The following WWOX variants were observed in gnomAD, a reference collection of about 807,000 sequenced individuals.
WWOX encodes the protein WW domain containing oxidoreductase.
WWOX carries 69 observed loss-of-function variants against 46.2 expected under a neutral mutation model. The observed-to-expected ratio is 1.49, with a 90% CI of 1.23 to 1.82. The LOEUF is 1.82. WWOX is among the 40% of genes most tolerant of loss of function. The probability of loss-of-function intolerance (pLI) is 0.00; values close to 1 mark genes in which losing one functional copy is unlikely to be tolerated. For synonymous variants in WWOX, 359 were observed against 202.6 expected (o/e 1.77, Z -6.56); for missense variants, 919 against 542.6 (o/e 1.69, Z -6.89).
chr16:78,420,483 G>T (rs974945320), intron 6 of WWOX, among the ~76,000 whole-genome samples: 7 of 152,006 alleles, frequency 4.6e-5, no homozygotes, highest in African/African-American at 1.7e-4. Flanking sequence ...GATGAACCCT[G>T]CAAACATCAT....
chr16:78,717,430 T>C (rs1406632442), intron 8 of WWOX, among the ~76,000 whole-genome samples: 1 of 152,212 alleles, frequency 6.6e-6, no homozygotes, highest in African/African-American at 2.4e-5. Context: ...TCTTGTTCAT[T>C]GCTATGGCTT....
At chr16:78,659,448 C>G (rs2047161427) in intron 8 of WWOX, among the ~76,000 whole-genome samples, 1 of 152,130 alleles carries the variant, frequency 6.6e-6, no homozygotes, top group South Asian at 2.1e-4. Context: ...GAACCAGAAA[C>G]TCTGGGAGTA....
intron 5 of WWOX, among the ~76,000 whole-genome samples, chr16:78,325,755 C>T (rs1325850531): frequency 6.6e-6 from 1 of 152,158 alleles, no homozygotes; most frequent in African/African-American, 2.4e-5. Flanking sequence ...ATATATTAGC[C>T]TTGCAGGCAA....
intron 8 of WWOX, among the ~76,000 whole-genome samples, chr16:79,048,494 T>G (rs1192886809): frequency 6.6e-6 from 1 of 152,104 alleles, no homozygotes; most frequent in Non-Finnish European, 1.5e-5. Flanking sequence ...GTCTTGGTGC[T>G]TCGTTTCTGT....
chr16:78,843,750 G>T (rs1037677736), intron 8 of WWOX, among the ~76,000 whole-genome samples: 2 of 152,182 alleles, frequency 1.3e-5, no homozygotes, highest in African/African-American at 2.4e-5. Flanking sequence ...CATAACTGTT[G>T]CATCAAATAT....
chr16:79,033,377 A>G (rs1007128889), intron 8 of WWOX, among the ~76,000 whole-genome samples: 37 of 149,942 alleles, frequency 2.5e-4, no homozygotes, highest in African/African-American at 8.5e-4. Context: ...AATAGACTCT[A>G]TAATATAGAC....
At chr16:78,662,447 G>T (rs2047236982) in intron 8 of WWOX, among the ~76,000 whole-genome samples, 1 of 151,918 alleles carries the variant, frequency 6.6e-6, no homozygotes, top group East Asian at 1.9e-4. Context: ...AACAGTATTG[G>T]AAATTATTAC....
At chr16:78,112,698 T>C (rs1300469272) in intron 3 of WWOX, among the ~76,000 whole-genome samples, 1 of 151,546 alleles carries the variant, frequency 6.6e-6, no homozygotes, top group East Asian at 1.9e-4. Flanking sequence ...TTCCAAGTTT[T>C]CTTTCTTTTT....
chr16:78,160,690 G>A (rs1403637268), intron 4 of WWOX, among the ~76,000 whole-genome samples: 1 of 152,098 alleles, frequency 6.6e-6, no homozygotes, highest in Non-Finnish European at 1.5e-5. Flanking sequence ...GAAATTCATT[G>A]AGACTTGCTT....
chr16:78,638,938 A>G (rs1416539249), intron 8 of WWOX, among the ~76,000 whole-genome samples: 4 of 152,160 alleles, frequency 2.6e-5, no homozygotes, highest in Non-Finnish European at 5.9e-5. Flanking sequence ...GTGTAAAACA[A>G]GAGAATGATT....
intron 5 of WWOX, among the ~76,000 whole-genome samples, chr16:78,199,527 G>C (rs761300349): frequency 6.6e-6 from 1 of 152,104 alleles, no homozygotes; most frequent in Admixed American, 6.5e-5. Flanking sequence ...TACTACCCAG[G>C]AAAGCCAGTG....
chr16:78,627,754 T>C (rs898485559), intron 8 of WWOX, among the ~76,000 whole-genome samples: 7 of 152,164 alleles, frequency 4.6e-5, no homozygotes, highest in Non-Finnish European at 1.0e-4. Flanking sequence ...CTATTTCATT[T>C]TGGAAAAGTT....
chr16:78,644,814 CA>C (rs1206551136), intron 8 of WWOX, among the ~76,000 whole-genome samples: 6 of 152,124 alleles, frequency 3.9e-5, no homozygotes, highest in African/African-American at 1.4e-4. Context: ...TATTATGAGT[CA>C]GGCTTAAGAA....
chr16:78,622,297 C>G (rs776036900), intron 8 of WWOX, among the ~76,000 whole-genome samples: 2 of 152,052 alleles, frequency 1.3e-5, no homozygotes, highest in Non-Finnish European at 2.9e-5. Context: ...AATCCCAGCA[C>G]TTTGGGACGC....
intron 6 of WWOX, among the ~76,000 whole-genome samples, chr16:78,397,470 A>G (rs2082314329): frequency 6.6e-6 from 1 of 152,198 alleles, no homozygotes; most frequent in Non-Finnish European, 1.5e-5. Context: ...AGACTAAGAA[A>G]TTAAGAACCT....
intron 8 of WWOX, among the ~76,000 whole-genome samples, chr16:78,467,741 G>A (rs2084115142): frequency 6.6e-6 from 1 of 152,172 alleles, no homozygotes; most frequent in Admixed American, 6.5e-5. Context: ...TGAAATTAGT[G>A]CTGATAAAAG....
intron 8 of WWOX, chr16:78,996,370 G>GGGGGGGGGGGGGGGGGGC: frequency 1.2e-6 from 1 of 834,528 alleles, no homozygotes; most frequent in Non-Finnish European, 1.4e-6. Context: ...AGTGAATTCT[G>GGGGGGGGGGGGGGGGGGC]CACCCACCCC....
intron 5 of WWOX, among the ~76,000 whole-genome samples, chr16:78,337,349 C>T (rs1315239502): frequency 6.6e-6 from 1 of 152,164 alleles, no homozygotes; most frequent in Non-Finnish European, 1.5e-5. Context: ...TGTGTACCCA[C>T]CGATCGCAAT....
At chr16:78,214,442 C>T (rs1189816942) in intron 5 of WWOX, among the ~76,000 whole-genome samples, 1 of 152,180 alleles carries the variant, frequency 6.6e-6, no homozygotes, top group Non-Finnish European at 1.5e-5. Flanking sequence ...TCGAAGTCTG[C>T]TGCTGTCAGC....
Sources: allele counts gnomAD v4.1 joint callset (sites outside exome capture counted in the v4.1 genomes callset), GRCh38; gene constraint gnomAD v4.1.1; transcripts MANE v1.5; gene names NCBI Gene and HGNC (gene_info 2026-07-23, HGNC 2026-07-21).